CFAP54: variants seen among roughly 807,000 people sequenced by gnomAD.
The protein encoded by CFAP54 is cilia and flagella associated protein 54, also known as cilia- and flagella-associated protein 54.
Under a neutral mutation model 370.4 loss-of-function variants are expected in CFAP54, and 290 were observed. That is an observed-to-expected ratio of 0.78 (90% CI 0.71 to 0.86). The LOEUF is 0.86. Among genes scored for constraint, CFAP54 ranks in the 40% least tolerant of loss-of-function variants. The pLI is 0.00. For missense variants in CFAP54, 3,399 were observed against 3,528.7 expected, an observed-to-expected ratio of 0.96 and a Z score of 0.93; for synonymous variants, 1,206 against 1,236.5, an observed-to-expected ratio of 0.98 and a Z score of 0.52.
intron 58 of CFAP54, among the ~76,000 whole-genome samples, chr12:96,761,296 C>T (rs11108684): frequency 0.36 from 55,295 of 151,910 alleles, 10,808 homozygotes; most frequent in East Asian, 0.58. Flanking sequence ...ATCTTTTGCC[C>T]ATTTTTATTG....
intron 40 of CFAP54, among the ~76,000 whole-genome samples, chr12:96,683,254 A>G (rs1053283053): frequency 7.2e-5 from 11 of 152,232 alleles, no homozygotes; most frequent in Admixed American, 4.6e-4. Context: ...AAATAATCAG[A>G]TGCTTATATC....
chr12:96,730,703 T>C (rs1214681229), intron 50 of CFAP54, among the ~76,000 whole-genome samples: 1 of 152,222 alleles, frequency 6.6e-6, no homozygotes, highest in Non-Finnish European at 1.5e-5. Context: ...TTAAGACTTT[T>C]AGACTGTCAT....
chr12:96,871,136 C>T (rs1960151899), intron 67 of CFAP54, among the ~76,000 whole-genome samples: 1 of 152,256 alleles, frequency 6.6e-6, no homozygotes, highest in South Asian at 2.1e-4. Context: ...AAACTGTTGG[C>T]TGACTACCAA....
Position 96,517,489 on chromosome 12 carries a change from A to C in CFAP54, c.799-1439A>C, listed in dbSNP as rs954249257. On this transcript the variant is annotated intron_variant, in intron 5 of 67. Transcript: ENST00000524981. ...GTGAATTTAAAGGGGAAATTTAGGC[A>C]TGGCTTAATCATATACCACCCAACC... Among the ~76,000 whole-genome samples the C allele has an allele frequency of 5.3e-5, 8 of 152,368 alleles. No individual in the cohort carries two copies. The East Asian group carries it at 1.2e-3, about 22-fold the overall frequency.
At chr12:96,604,871 G>A (rs774548875) in intron 26 of CFAP54, among the ~76,000 whole-genome samples, 1 of 152,236 alleles carries the variant, frequency 6.6e-6, no homozygotes, top group African/African-American at 2.4e-5. Context: ...GTTCCTCCAG[G>A]TATAGTCACT....
At chr12:96,712,249 T>C (rs552040318) in intron 48 of CFAP54, among the ~76,000 whole-genome samples, 15 of 152,182 alleles carry the variant, frequency 9.9e-5, no homozygotes, top group Non-Finnish European at 1.8e-4. Context: ...TGAGATGTTA[T>C]ATCCTTTGTA....
intron 6 of CFAP54, among the ~76,000 whole-genome samples, chr12:96,521,571 C>T (rs892707637): frequency 4.0e-5 from 6 of 151,108 alleles, no homozygotes; most frequent in Admixed American, 6.6e-5. Context: ...TGAGGACGTG[C>T]GGTGCCAAAT....
intron 32 of CFAP54, among the ~76,000 whole-genome samples, chr12:96,633,622 A>G (rs1470156625): frequency 6.6e-6 from 1 of 152,188 alleles, no homozygotes; most frequent in African/African-American, 2.4e-5. Context: ...TTCACTTATT[A>G]TTGCTTAGTA....
intron 50 of CFAP54, among the ~76,000 whole-genome samples, chr12:96,725,343 T>C (rs1366050637): frequency 2.2e-4 from 34 of 152,032 alleles, no homozygotes; most frequent in Non-Finnish European, 8.8e-5. Context: ...GTATCCTCTT[T>C]TATTTCATTG....
chr12:96,724,365 A>G (rs574898262), intron 50 of CFAP54, among the ~76,000 whole-genome samples: 4 of 151,888 alleles, frequency 2.6e-5, no homozygotes, highest in South Asian at 2.1e-4. Context: ...AATGATTGCC[A>G]TTCTAACTGG....
chr12:96,689,978 C>G (rs1696639175), intron 43 of CFAP54, among the ~76,000 whole-genome samples: 1 of 152,106 alleles, frequency 6.6e-6, no homozygotes, highest in African/African-American at 2.4e-5. Context: ...CGCCTCTTGC[C>G]TGGGCTTCAA....
chr12:96,697,341 G>C (rs1049702365), intron 45 of CFAP54, among the ~76,000 whole-genome samples: 1 of 151,992 alleles, frequency 6.6e-6, no homozygotes, highest in Non-Finnish European at 1.5e-5. Context: ...TCCTCCTAGG[G>C]GTAATGAGAA....
chr12:96,629,462 CG>C (rs1565920204), intron 30 of CFAP54, among the ~76,000 whole-genome samples: 1 of 145,182 alleles, frequency 6.9e-6, no homozygotes, highest in Non-Finnish European at 1.5e-5. Flanking sequence ...CCTGCCACCA[CG>C]CCCAACTAAT....
chr12:96,831,034 T>C (rs1182922503), intron 66 of CFAP54, among the ~76,000 whole-genome samples: 2 of 152,122 alleles, frequency 1.3e-5, no homozygotes. Context: ...AAGTGGAAAA[T>C]AGTATATCAT....
chr12:96,799,055 A>T (rs1958794599), intron 63 of CFAP54, among the ~76,000 whole-genome samples: 1 of 152,182 alleles, frequency 6.6e-6, no homozygotes, highest in Non-Finnish European at 1.5e-5. Flanking sequence ...CTATACCTTT[A>T]TTCATATCTA....
chr12:96,600,247 A>G (rs1956225679), intron 26 of CFAP54, among the ~76,000 whole-genome samples: 1 of 152,176 alleles, frequency 6.6e-6, no homozygotes, highest in African/African-American at 2.4e-5. Context: ...ACCATTTATT[A>G]AATAGGGAAT....
chr12:96,495,017 G>A (rs528906860), intron 1 of CFAP54, among the ~76,000 whole-genome samples: 10 of 152,202 alleles, frequency 6.6e-5, no homozygotes, highest in African/African-American at 1.7e-4. Flanking sequence ...GAGCCACTGC[G>A]CCTAGACAAC....
intron 25 of CFAP54, 42 bp downstream of exon 25, chr12:96,594,488 A>T: frequency 7.3e-7 from 1 of 1,378,016 alleles, no homozygotes. Context: ...ATCTTTATAA[A>T]GGCAACTTAA....
chr12:96,557,985 ACT>A (rs1014614858), intron 17 of CFAP54, among the ~76,000 whole-genome samples: 2 of 152,044 alleles, frequency 1.3e-5, no homozygotes, highest in Admixed American at 6.6e-5. Context: ...TTTTATTGAC[ACT>A]CTCTATCTAT....
Sources: allele counts gnomAD v4.1 joint callset (sites outside exome capture counted in the v4.1 genomes callset), GRCh38; gene constraint gnomAD v4.1.1; transcripts MANE v1.5; gene names NCBI Gene and HGNC (gene_info 2026-07-23, HGNC 2026-07-21).